The following MDFI variants were observed in gnomAD, a reference collection of about 807,000 sequenced individuals.
MDFI encodes the protein inhibitor of MyoD family a.
A neutral mutation model predicts 22.3 loss-of-function variants in MDFI; 16 were observed. The observed-to-expected ratio is 0.72, with a 90% CI of 0.49 to 1.09. MDFI has a LOEUF of 1.09. Ranked by LOEUF, MDFI falls within the 50% of genes least tolerant of loss-of-function variation. The probability of loss-of-function intolerance (pLI) is 0.00; values close to 1 mark genes in which losing one functional copy is unlikely to be tolerated. For synonymous variants in MDFI, 145 were observed against 142.7 expected (o/e 1.02, Z -0.12); for missense variants, 314 against 326.1 (o/e 0.96, Z 0.29).
At chr6:41,645,225 G>A (rs902981744) in intron 2 of MDFI, among the ~76,000 whole-genome samples, 3 of 151,932 alleles carry the variant, frequency 2.0e-5, no homozygotes, top group Non-Finnish European at 4.4e-5. Flanking sequence ...ACCCCTGGCT[G>A]AGTGTGTGGA....
intron 2 of MDFI, among the ~76,000 whole-genome samples, chr6:41,642,764 G>T (rs9471615): frequency 6.6e-6 from 1 of 152,040 alleles, no homozygotes; most frequent in African/African-American, 2.4e-5. Flanking sequence ...TTTCCTCCAC[G>T]GTCTGATGCC....
chr6:41,642,302 T>C (rs1347373607), intron 2 of MDFI, among the ~76,000 whole-genome samples: 1 of 152,150 alleles, frequency 6.6e-6, no homozygotes, highest in Non-Finnish European at 1.5e-5. Context: ...CTGCAGTACA[T>C]GAATTGCACA....
intron 2 of MDFI, among the ~76,000 whole-genome samples, chr6:41,641,696 C>T (rs903160278): frequency 3.3e-5 from 5 of 152,168 alleles, no homozygotes; most frequent in African/African-American, 4.8e-5. Context: ...ATCCACGGTC[C>T]ACAAAGACAA....
intron 2 of MDFI, among the ~76,000 whole-genome samples, chr6:41,644,854 C>A (rs1767987857): frequency 6.6e-6 from 1 of 151,958 alleles, no homozygotes; most frequent in African/African-American, 2.4e-5. Flanking sequence ...TCTGGTCTCT[C>A]TGTGGGGTGT....
chr6:41,653,370 T>C lies in MDFI; in HGVS notation c.536T>C (p.Leu179Pro). The C allele has an allele frequency of 6.2e-7, 1 of 1,612,526 alleles. No homozygotes were observed. Among genetic ancestry groups the C allele is most frequent in the Admixed American group, 1.7e-5 (1 of 60,028 alleles). The change falls in exon 5 of 5, where the codon CTG becomes CCG. Residue 179 changes from leucine (L) to proline (P), a missense_variant. By Grantham distance (98) the Leu-to-Pro change is moderately conservative. Transcript: ENST00000230321. This position sits in a 1 kb window ranked among gnomAD's most constrained non-coding sequence, Gnocchi z 4.2. ...TGCCTGTTCTGCGAGTTCCTGACGC[T>C]GTGCAACATCGTCCTGGACTGCGCC... Reference protein sequence around the residue: ...LSCLFCEFLTLCNIVLDCATC... With the variant: ...LSCLFCEFLTPCNIVLDCATC...
In MDFI at chr6:41,638,663, G is replaced by T; in HGVS notation, c.-12+11G>T. 1 of 1,405,276 alleles carries T rather than the reference G, an allele frequency of 7.1e-7. No homozygotes were observed. 87.1% of individuals were successfully genotyped at this position (1,405,276 alleles called of 1,614,324 possible). A position where few individuals can be genotyped will look rare whatever the true frequency, so the allele number is the denominator to read the frequency against. On this transcript the variant is annotated intron_variant, in intron 1 of 4. Transcript: ENST00000230321. This position sits in a 1 kb window ranked among gnomAD's most constrained non-coding sequence, Gnocchi z 7.6. ...GCACGGCTCGCACGAGTGAGTGGAC[G>T]TGGGAGGCGCGCATCTGCGGGGGAA...
chr6:41,643,592 G>A (rs12527505), intron 2 of MDFI, among the ~76,000 whole-genome samples: 46 of 75,512 alleles, frequency 6.1e-4, no homozygotes, highest in Admixed American at 1.1e-3. Context: ...GAGGGAGGGA[G>A]GGAGGGAGGG....
chr6:41,654,097 G>A lies in MDFI; in HGVS notation c.*522G>A, dbSNP rs535894393. ...AGGCTTTTTTGGGGGCCTAACCCAC[G>A]CAGTGACCCCAGAGGGCAGGGCTAG... is the stretch of plus-strand genomic sequence containing the variant. On this transcript the variant is annotated 3_prime_UTR_variant, in exon 5 of 5. Coordinates refer to ENST00000230321, the MANE Select transcript of MDFI (RefSeq NM_005586.4). The A allele has an allele frequency of 6.0e-5, 11 of 182,410 alleles. No individual in the cohort carries two copies. The highest frequency in any genetic ancestry group is 2.8e-3 in the Middle Eastern group (1 of 356). 11.3% of individuals were successfully genotyped at this position (182,410 alleles called of 1,614,324 possible). A position where few individuals can be genotyped will look rare whatever the true frequency, so the allele number is the denominator to read the frequency against.
In MDFI at chr6:41,638,508, G is replaced by GAGAAAGC. The variant is rs1158127939; in HGVS notation, c.-153_-147dup. 1.9e-6 allele frequency: 1 copy of GAGAAAGC among 529,820 alleles called. No individual in the cohort carries two copies. Among genetic ancestry groups the GAGAAAGC allele is most frequent in the Non-Finnish European group, 3.3e-6 (1 of 303,192 alleles). The allele number at this position is 529,820 out of a possible 1,614,324, so 32.8% of individuals were successfully genotyped here. On this transcript the variant is annotated 5_prime_UTR_variant, in exon 1 of 5. It removes the in-frame stop codon of an upstream open reading frame in the 5' UTR. Transcript: ENST00000230321. This position sits in a 1 kb window ranked among gnomAD's most constrained non-coding sequence, Gnocchi z 7.6. The stretch of plus-strand genomic sequence containing the variant: ...ACGGCGTGAGCTGGCGCCGAAATGG[G>GAGAAAGC]AGAAAGCAGCGAGTGAGAGGGGAAG...
At position 41,645,237 on chromosome 6, in the gene MDFI, G is replaced by A. The variant is rs1251082764; in HGVS notation, c.77-889G>A. Among the ~76,000 whole-genome samples the A allele has an allele frequency of 2.6e-5, 4 of 151,774 alleles. No individual in the cohort carries two copies. In the South Asian group the frequency reaches 8.3e-4, roughly 32 times the overall value. Reference sequence around the variant, plus strand: ...CTGACCCCTGGCTGAGTGTGTGGACGCTCGGACCCCTTTCTTCCTCCCTCC... The same window carrying A: ...CTGACCCCTGGCTGAGTGTGTGGACACTCGGACCCCTTTCTTCCTCCCTCC... On this transcript the variant is annotated intron_variant, in intron 2 of 4. Transcript: ENST00000230321.
chr6:41,646,758 G>C (rs925134836), intron 3 of MDFI, among the ~76,000 whole-genome samples: 13 of 152,280 alleles, frequency 8.5e-5, no homozygotes, highest in Non-Finnish European at 1.9e-4. Context: ...GGAGGTCCTG[G>C]GGGGAGGGAG....
chr6:41,643,587 A>AGGGAGGGAGGGG (rs1767939860), intron 2 of MDFI, among the ~76,000 whole-genome samples: 1 of 61,530 alleles, frequency 1.6e-5, no homozygotes, highest in African/African-American at 6.7e-5. Flanking sequence ...GGAGGGAGGG[A>AGGGAGGGAGGGG]GGGAGGGAGG....
Position 41,652,608 on chromosome 6 carries a change from CTTTTTT to C in MDFI, c.485-694_485-689del, listed in dbSNP as rs3050047. On this transcript the variant is annotated intron_variant, in intron 4 of 4. Coordinates refer to ENST00000230321, the MANE Select transcript of MDFI (RefSeq NM_005586.4). Reference sequence around the variant, plus strand: ...GTGTAGACTTAACTACTCTCCCTCTCTTTTTTTTTTTTTTTTTTTTTTGAGAGAGAG... The same window carrying C: ...GTGTAGACTTAACTACTCTCCCTCTCTTTTTTTTTTTTTTTTGAGAGAGAG... 3.0e-3 allele frequency among the ~76,000 whole-genome samples: 254 copies of C among 84,404 alleles called. 2 individuals carry two copies. Among genetic ancestry groups the C allele is most frequent in the African/African-American group, 0.012 (248 of 20,768 alleles). The allele number at this position is 84,404 out of a possible 152,430, so 55.4% of individuals were successfully genotyped here.
At chr6:41,639,421 A>G in intron 2 of MDFI, 1 of 985,266 alleles carries the variant, frequency 1.0e-6, no homozygotes, top group Non-Finnish European at 1.2e-6. Context: ...TCTTCAGCCC[A>G]AGTGAAATGC....
intron 3 of MDFI, 65 bp downstream of exon 3, chr6:41,646,373 A>G (rs1002140567): frequency 2.3e-6 from 3 of 1,332,678 alleles, no homozygotes; most frequent in Non-Finnish European, 2.9e-6. Flanking sequence ...AACTCAACCC[A>G]AATGGGTCGG....
At chr6:41,639,454 C>T (rs1767768809) in intron 2 of MDFI, 1 of 985,360 alleles carries the variant, frequency 1.0e-6, no homozygotes, top group Non-Finnish European at 1.2e-6. Flanking sequence ...CTGGCGCCGT[C>T]TGTAACCTAC....
Position 41,638,632 on chromosome 6 carries a change from A to G in MDFI, c.-32A>G. ...CCGCGCGGGGATCCGGCTGGAAGAGAGCGTAGCACGGCTCGCACGAGTGAG... is the reference window on the plus strand; with the variant it reads ...CCGCGCGGGGATCCGGCTGGAAGAGGGCGTAGCACGGCTCGCACGAGTGAG... On this transcript the variant is annotated 5_prime_UTR_variant, in exon 1 of 5. Transcript: ENST00000230321. This position sits in a 1 kb window ranked among gnomAD's most constrained non-coding sequence, Gnocchi z 7.6. 1 of 1,216,804 alleles carries G rather than the reference A, an allele frequency of 8.2e-7. No individual in the cohort carries two copies. Among genetic ancestry groups the G allele is most frequent in the Non-Finnish European group, 1.1e-6 (1 of 882,152 alleles). 75.4% of individuals were successfully genotyped at this position (1,216,804 alleles called of 1,614,324 possible).
At chr6:41,637,317 A>C (rs1404946550), upstream of MDFI, 2 of 151,738 alleles carry the variant, frequency 1.3e-5, no homozygotes, top group Non-Finnish European at 2.9e-5. The surrounding 1 kb of genome is among the most constrained non-coding windows in gnomAD (Gnocchi z 6.8). Flanking sequence ...AGAAGTGGGG[A>C]GCTGGGACGC....
intron 3 of MDFI, among the ~76,000 whole-genome samples, chr6:41,646,745 C>A (rs1255390871): frequency 6.6e-6 from 1 of 152,190 alleles, no homozygotes; most frequent in Non-Finnish European, 1.5e-5. Context: ...TCGAGTTCTC[C>A]AAGGAGGTCC....
Sources: gnomAD v4.1 joint callset for allele counts (sites outside exome capture counted in the v4.1 genomes callset) on GRCh38, gnomAD v4.1.1 for gene constraint, Gnocchi (gnomAD v3.1) non-coding constraint, MANE v1.5 for transcripts, NCBI Gene and HGNC (gene_info 2026-07-23, HGNC 2026-07-21) for gene names.